DLGAP1: variants seen among roughly 807,000 people sequenced by gnomAD.
DLGAP1 encodes DLG associated protein 1, also known as disks large-associated protein 1.
A neutral mutation model predicts 90.8 loss-of-function variants in DLGAP1; 11 were observed. The observed-to-expected ratio is 0.12, with a 90% confidence interval of 0.08 to 0.20. The LOEUF (loss-of-function observed/expected upper bound fraction) is 0.20, where lower values mean the gene tolerates loss of function less well. Ranked by LOEUF, DLGAP1 falls within the 10% of genes least tolerant of loss-of-function variation. The pLI, the probability that DLGAP1 is intolerant of heterozygous loss-of-function variation, is 1.00. For synonymous variants in DLGAP1, 558 were observed against 540.7 expected (o/e 1.03, Z -0.44); for missense variants, 1,050 against 1,333.8 (o/e 0.79, Z 3.31).
At chr18:4,173,624 G>A (rs989513986) in intron 1 of DLGAP1, among the ~76,000 whole-genome samples, 3 of 152,104 alleles carry the variant, frequency 2.0e-5, no homozygotes, top group Admixed American at 6.5e-5. Context: ...CTTCACATGG[G>A]AAGCATGACA....
intron 1 of DLGAP1, among the ~76,000 whole-genome samples, chr18:4,207,626 C>A (rs2077749206): frequency 6.6e-6 from 1 of 152,182 alleles, no homozygotes; most frequent in Non-Finnish European, 1.5e-5. Flanking sequence ...ATCTTGACTT[C>A]TGGGAGGGTT....
chr18:4,185,288 G>A lies in DLGAP1; in HGVS notation c.-266-34001C>T, dbSNP rs374375593. Reference sequence around the variant, plus strand: ...TTTTTTTTTTTTAACTTTTATTTCAGGTTCAGGGGTCCACGTGCAGGTTTC... The same window carrying A: ...TTTTTTTTTTTTAACTTTTATTTCAAGTTCAGGGGTCCACGTGCAGGTTTC... On this transcript the variant is annotated intron_variant, in intron 1 of 12. Transcript: ENST00000315677. Among the ~76,000 whole-genome samples, 13 of 151,054 alleles carry A rather than the reference G, an allele frequency of 8.6e-5. 1 individual carries two copies. The highest frequency in any genetic ancestry group is 3.2e-4 in the African/African-American group (13 of 41,158).
At chr18:4,230,490 T>A (rs1317390318) in intron 1 of DLGAP1, among the ~76,000 whole-genome samples, 1 of 151,980 alleles carries the variant, frequency 6.6e-6, no homozygotes, top group Non-Finnish European at 1.5e-5. Flanking sequence ...ACAACATAGA[T>A]GGAACTGGAG....
At position 3,517,118 on chromosome 18, in the gene DLGAP1, T is replaced by C. The variant is rs1178835588; in HGVS notation, c.2480-8457A>G. ...CATCTAGGCTCTGTTGTTCTACTTA[T>C]AGAGCACACTTTATAAGAGCACACA... On this transcript the variant is annotated intron_variant, in intron 10 of 12. Coordinates refer to ENST00000315677, the MANE Select transcript of DLGAP1 (RefSeq NM_004746.4). This position sits in a 1 kb window ranked among gnomAD's most constrained non-coding sequence, Gnocchi z 4.1. 1.3e-5 allele frequency among the ~76,000 whole-genome samples: 2 copies of C among 152,226 alleles called. No individual in the cohort carries two copies. Among genetic ancestry groups the C allele is most frequent in the African/African-American group, 4.8e-5 (2 of 41,452 alleles).
chr18:4,175,364 G>C (rs763090523), intron 1 of DLGAP1, among the ~76,000 whole-genome samples: 19 of 152,056 alleles, frequency 1.2e-4, no homozygotes, highest in Non-Finnish European at 2.2e-4. Flanking sequence ...CCATTCTGTA[G>C]GTTGTCTGTT....
intron 2 of DLGAP1, among the ~76,000 whole-genome samples, chr18:4,074,484 C>A (rs978436534): frequency 6.6e-6 from 1 of 151,834 alleles, no homozygotes; most frequent in Non-Finnish European, 1.5e-5. Flanking sequence ...TCAGCATGAC[C>A]CCTAGAAACT....
At chr18:3,558,916 A>T (rs1308059190) in intron 9 of DLGAP1, among the ~76,000 whole-genome samples, 2 of 152,204 alleles carry the variant, frequency 1.3e-5, no homozygotes, top group Non-Finnish European at 2.9e-5. Context: ...CTGCAGCTAC[A>T]GCCTTTAACC....
intron 5 of DLGAP1, among the ~76,000 whole-genome samples, chr18:3,747,635 C>T (rs1057305992): frequency 1.5e-4 from 23 of 152,108 alleles, no homozygotes; most frequent in Non-Finnish European, 2.9e-4. Flanking sequence ...GAAAGTCCGG[C>T]GTTTTGAAAA....
chr18:3,736,968 T>C (rs1288086990), intron 6 of DLGAP1, among the ~76,000 whole-genome samples: 2 of 148,918 alleles, frequency 1.3e-5, no homozygotes, highest in African/African-American at 2.5e-5. Context: ...AAATACAAAC[T>C]ACCATCAGAG....
chr18:3,580,542 T>C (rs1333961122), intron 8 of DLGAP1: 20 of 1,596,938 alleles, frequency 1.3e-5, no homozygotes, highest in Non-Finnish European at 1.7e-5. Flanking sequence ...GAGATGGCAG[T>C]GGAGGTGGCA....
chr18:4,238,374 T>A (rs575532859), intron 1 of DLGAP1, among the ~76,000 whole-genome samples: 1 of 152,302 alleles, frequency 6.6e-6, no homozygotes, highest in Non-Finnish European at 1.5e-5. Flanking sequence ...ATATCTGAAG[T>A]TACTTAGATC....
intron 1 of DLGAP1, among the ~76,000 whole-genome samples, chr18:4,243,858 G>A (rs1401252304): frequency 6.6e-6 from 1 of 152,088 alleles, no homozygotes; most frequent in Non-Finnish European, 1.5e-5. Context: ...GGTATACAAT[G>A]TCAAAATGGC....
At chr18:4,191,876 A>G in intron 1 of DLGAP1, among the ~76,000 whole-genome samples, 1 of 152,188 alleles carries the variant, frequency 6.6e-6, no homozygotes, top group Non-Finnish European at 1.5e-5. Context: ...TAATGGAATG[A>G]GAGTTCCATG....
At chr18:3,501,756 C>T (rs576125612) in intron 12 of DLGAP1, among the ~76,000 whole-genome samples, 16 of 152,170 alleles carry the variant, frequency 1.1e-4, no homozygotes, top group African/African-American at 3.1e-4. Flanking sequence ...AAAAAAGTCA[C>T]GTTTGACATG....
At chr18:4,029,516 TTAAA>T (rs2074758123) in intron 2 of DLGAP1, among the ~76,000 whole-genome samples, 1 of 152,210 alleles carries the variant, frequency 6.6e-6, no homozygotes, top group Admixed American at 6.5e-5. Context: ...TCCATTTTTA[TTAAA>T]TAAATAGTTG....
chr18:4,283,696 A>G (rs1368190395), intron 1 of DLGAP1, among the ~76,000 whole-genome samples: 1 of 152,234 alleles, frequency 6.6e-6, no homozygotes. Flanking sequence ...TCTTGAGAAT[A>G]CTAAACATGC....
chr18:3,862,977 C>T (rs1488854057), intron 4 of DLGAP1, among the ~76,000 whole-genome samples: 3 of 152,212 alleles, frequency 2.0e-5, no homozygotes, highest in Non-Finnish European at 4.4e-5. Context: ...CAGGGTATTA[C>T]CTTTTTATGG....
intron 2 of DLGAP1, among the ~76,000 whole-genome samples, chr18:4,087,636 C>T (rs1372553542): frequency 6.6e-6 from 1 of 152,182 alleles, no homozygotes; most frequent in Non-Finnish European, 1.5e-5. Context: ...TATATTTCTG[C>T]ATGTGTGTCT....
chr18:3,872,147 A>C (rs2070784086), intron 4 of DLGAP1, among the ~76,000 whole-genome samples: 1 of 151,174 alleles, frequency 6.6e-6, no homozygotes, highest in Non-Finnish European at 1.5e-5. Flanking sequence ...TTTTAATGAG[A>C]GTCCTAAATA....
Sources: gnomAD v4.1 joint callset for allele counts (sites outside exome capture counted in the v4.1 genomes callset) on GRCh38, gnomAD v4.1.1 for gene constraint, Gnocchi (gnomAD v3.1) non-coding constraint, MANE v1.5 for transcripts, NCBI Gene and HGNC (gene_info 2026-07-23, HGNC 2026-07-21) for gene names.